PHACTR3: variants seen among roughly 807,000 people sequenced by gnomAD.
PHACTR3 encodes protein phosphatase 1, regulatory subunit 123.
In PHACTR3, 16 loss-of-function variants were observed where a neutral mutation model predicts 66.8. That is an observed-to-expected ratio of 0.24 (90% CI 0.16 to 0.36). The LOEUF (loss-of-function observed/expected upper bound fraction) is 0.36. Among genes scored for constraint, PHACTR3 ranks in the 10% least tolerant of loss-of-function variants. The pLI is 1.00. For missense variants in PHACTR3, 647 were observed against 719.9 expected (o/e 0.90, Z 1.16); for synonymous variants, 323 against 292.1 (o/e 1.11, Z -1.08).
intron 11 of PHACTR3, chr20:59,844,087 A>G (rs34307146): frequency 1.3e-5 from 2 of 152,150 alleles, no homozygotes; most frequent in African/African-American, 2.4e-5. Context: ...AACATCATTA[A>G]TCAACAGGGA....
chr20:59,669,203 G>A (rs113629042), intron 1 of PHACTR3, among the ~76,000 whole-genome samples: 1,553 of 152,276 alleles, frequency 0.01, 27 homozygotes, highest in African/African-American at 0.036. Flanking sequence ...CCCTAGGGTT[G>A]GAGGGAGAGC....
intron 1 of PHACTR3, among the ~76,000 whole-genome samples, chr20:59,658,918 G>A (rs930004369): frequency 6.7e-6 from 1 of 149,746 alleles, no homozygotes; most frequent in African/African-American, 2.5e-5. Flanking sequence ...TCATGGAGCT[G>A]TCAGCCTTCT....
rs375534932 is a variant in PHACTR3 at position 59,595,439 on chromosome 20, CAAAAT to C, written c.109+17827_109+17831del. 1.5e-3 allele frequency among the ~76,000 whole-genome samples: 234 copies of C among 152,062 alleles called. 2 individuals are homozygous for C. Among genetic ancestry groups the C allele is most frequent in the African/African-American group, 4.9e-3 (205 of 41,456 alleles). ...ATTGCGCCACTGCACTCCAGCCTCT[CAAAAT>C]AAAAACAAAAATAGTAAATAAATAA... On this transcript the variant is annotated intron_variant, in intron 1 of 12. Coordinates refer to the PHACTR3 transcript ENST00000359926.
At position 59,729,613 on chromosome 20, in the gene PHACTR3, G is replaced by A. The variant is rs567018410; in HGVS notation, c.119-13494G>A. Among the ~76,000 whole-genome samples the A allele has an allele frequency of 5.3e-5, 8 of 152,280 alleles. No homozygotes were observed. In the South Asian group the frequency reaches 1.7e-3, roughly 32 times the overall value. ...ACAGCCATGGGTGACCTTTAAGGATGCCCACAGATGGTGCCATCTCAGGAG... is the reference window on the plus strand; with the variant it reads ...ACAGCCATGGGTGACCTTTAAGGATACCCACAGATGGTGCCATCTCAGGAG... On this transcript the variant is annotated intron_variant, in intron 1 of 12. Coordinates refer to ENST00000371015, the MANE Select transcript of PHACTR3 (RefSeq NM_080672.5).
intron 1 of PHACTR3, among the ~76,000 whole-genome samples, chr20:59,608,916 G>A (rs919001041): frequency 6.6e-6 from 1 of 152,226 alleles, no homozygotes; most frequent in African/African-American, 2.4e-5. Flanking sequence ...CTTGAGGACA[G>A]GGGGCTTGAC....
At chr20:59,750,676 G>A (rs993453393) in intron 3 of PHACTR3, among the ~76,000 whole-genome samples, 9 of 152,128 alleles carry the variant, frequency 5.9e-5, no homozygotes, top group African/African-American at 1.7e-4. Flanking sequence ...GCCACAGTGC[G>A]AGTGGGTGGG....
intron 1 of PHACTR3, among the ~76,000 whole-genome samples, chr20:59,577,873 CGTTGGGGTCGACA>C (rs1279941646): frequency 1.3e-5 from 2 of 152,226 alleles, no homozygotes; most frequent in African/African-American, 4.8e-5. Flanking sequence ...GAAGCGCTGG[CGTTGGGGTCGACA>C]GTCTGGGGTT....
chr20:59,781,933 G>A (rs944242475), intron 7 of PHACTR3, among the ~76,000 whole-genome samples: 8 of 152,144 alleles, frequency 5.3e-5, no homozygotes, highest in Non-Finnish European at 8.8e-5. Context: ...AGGGACATAC[G>A]GGATTTCCCG....
chr20:59,783,404 C>T (rs917850716), intron 7 of PHACTR3, among the ~76,000 whole-genome samples: 4 of 152,192 alleles, frequency 2.6e-5, no homozygotes, highest in African/African-American at 9.7e-5. Flanking sequence ...CAGTGACAAT[C>T]AGCTGAAACA....
At chr20:59,691,406 G>T (rs1288195277) in intron 1 of PHACTR3, among the ~76,000 whole-genome samples, 1 of 152,096 alleles carries the variant, frequency 6.6e-6, no homozygotes, top group Non-Finnish European at 1.5e-5. Context: ...TCCATTTATT[G>T]AATGATAATC....
chr20:59,625,291 C>T (rs369908290), intron 1 of PHACTR3, among the ~76,000 whole-genome samples: 10 of 151,828 alleles, frequency 6.6e-5, no homozygotes, highest in African/African-American at 2.4e-4. Flanking sequence ...AGAGAAGGTG[C>T]GTGGAACTGG....
At chr20:59,591,903 G>A (rs537959971) in intron 1 of PHACTR3, among the ~76,000 whole-genome samples, 5 of 152,042 alleles carry the variant, frequency 3.3e-5, no homozygotes, top group Middle Eastern at 6.8e-3. Context: ...AGCTTCTCTC[G>A]CCCCTCAACT....
At chr20:59,614,554 A>G (rs2033966185) in intron 1 of PHACTR3, among the ~76,000 whole-genome samples, 1 of 152,226 alleles carries the variant, frequency 6.6e-6, no homozygotes, top group Non-Finnish European at 1.5e-5. Flanking sequence ...CAGCCACGAA[A>G]TGGATCAGCC....
At chr20:59,602,119 G>A (rs1316809590), upstream of PHACTR3, among the ~76,000 whole-genome samples, 1 of 152,142 alleles carries the variant, frequency 6.6e-6, no homozygotes, top group Non-Finnish European at 1.5e-5. Flanking sequence ...TGCCTGCCTG[G>A]CTGAACTCCT....
At chr20:59,609,761 G>T (rs2146341808) in intron 1 of PHACTR3, among the ~76,000 whole-genome samples, 1 of 152,288 alleles carries the variant, frequency 6.6e-6, no homozygotes, top group Middle Eastern at 3.4e-3. Flanking sequence ...TGGGTTCTGA[G>T]GATCTCCCTC....
intron 1 of PHACTR3, among the ~76,000 whole-genome samples, chr20:59,606,228 A>C (rs2033664006): frequency 6.6e-6 from 1 of 152,104 alleles, no homozygotes. Context: ...GGATTCCTGC[A>C]CTGGAACACA....
rs184124859 is a variant in PHACTR3, at chr20:59,771,913, G to T, written c.752-1366G>T. ...TTAGGGAATGGGGTAGTTTAGATCTGGTTGTTTTGCTGGTGGGATTAAAGG... is the reference window on the plus strand; with the variant it reads ...TTAGGGAATGGGGTAGTTTAGATCTTGTTGTTTTGCTGGTGGGATTAAAGG... On this transcript the variant is annotated intron_variant, in intron 5 of 12. Coordinates refer to ENST00000371015, the MANE Select transcript of PHACTR3 (RefSeq NM_080672.5). Among the ~76,000 whole-genome samples the T allele has an allele frequency of 8.8e-3, 1,335 of 152,312 alleles. 7 individuals are homozygous for T. The highest frequency in any genetic ancestry group is 0.014 in the Non-Finnish European group (973 of 68,026).
At chr20:59,760,701 C>G (rs962725448) in intron 4 of PHACTR3, among the ~76,000 whole-genome samples, 2 of 152,076 alleles carry the variant, frequency 1.3e-5, no homozygotes, top group African/African-American at 4.8e-5. Flanking sequence ...AGCATGAAAA[C>G]GGACTAATAA....
At chr20:59,618,858 G>C (rs1033448589) in intron 1 of PHACTR3, among the ~76,000 whole-genome samples, 3 of 152,220 alleles carry the variant, frequency 2.0e-5, no homozygotes, top group Non-Finnish European at 2.9e-5. Flanking sequence ...GCAGGGCTGA[G>C]AGCCTGGAAC....
Sources: gnomAD v4.1 joint callset for allele counts (sites outside exome capture counted in the v4.1 genomes callset) on GRCh38, gnomAD v4.1.1 for gene constraint, MANE v1.5 for transcripts, NCBI Gene and HGNC (gene_info 2026-07-23, HGNC 2026-07-21) for gene names.